The following CLIP1 variants were observed in gnomAD, a reference collection of about 807,000 sequenced individuals.
CLIP1 encodes CAP-Gly domain containing linker protein 1.
A neutral mutation model predicts 161.6 loss-of-function variants in CLIP1; 66 were observed. The ratio of observed to expected loss-of-function variants is 0.41; its 90% CI spans 0.33 to 0.50. The LOEUF is 0.50. Ranked by LOEUF, CLIP1 falls within the 20% of genes least tolerant of loss-of-function variation. CLIP1 has a pLI of 0.27. For synonymous variants in CLIP1, 598 were observed against 626.2 expected (o/e 0.96, Z 0.67); for missense variants, 1,376 against 1,702.0 (o/e 0.81, Z 3.37).
intron 15 of CLIP1, among the ~76,000 whole-genome samples, chr12:122,328,738 C>T (rs909752320): frequency 6.6e-6 from 1 of 152,128 alleles, no homozygotes; most frequent in African/African-American, 2.4e-5. Context: ...CCTGCCAGCA[C>T]GCCTGGCTAC....
At chr12:122,421,192 T>C (rs1292793030) in intron 1 of CLIP1, among the ~76,000 whole-genome samples, 2 of 150,994 alleles carry the variant, frequency 1.3e-5, no homozygotes, top group African/African-American at 2.4e-5. Context: ...TTAAATGAAA[T>C]AAAACACATA....
intron 1 of CLIP1, chr12:122,400,612 C>G (rs1593250440): frequency 6.6e-6 from 1 of 152,206 alleles, no homozygotes; most frequent in East Asian, 1.9e-4. Flanking sequence ...CTGGACTACT[C>G]CAGCTACTGG....
intron 1 of CLIP1, among the ~76,000 whole-genome samples, chr12:122,421,070 GTA>G (rs781019103): frequency 6.7e-6 from 1 of 149,178 alleles, no homozygotes; most frequent in Non-Finnish European, 1.5e-5. Flanking sequence ...CTGGTAAAAG[GTA>G]TTCTGACTTC....
At chr12:122,369,233 C>G (rs1269387390) in intron 3 of CLIP1, among the ~76,000 whole-genome samples, 1 of 151,994 alleles carries the variant, frequency 6.6e-6, no homozygotes, top group Non-Finnish European at 1.5e-5. Flanking sequence ...GTTGGCCAGG[C>G]TAGTCTCCAA....
At position 122,355,418 on chromosome 12, in the gene CLIP1, C is replaced by T. The variant is rs1298951160; in HGVS notation, c.1006-106G>A. The T allele has an allele frequency of 7.2e-6, 7 of 969,402 alleles. No individual in the cohort carries two copies. The highest frequency in any genetic ancestry group is 5.1e-5 in the East Asian group (2 of 39,488). 60.1% of individuals were successfully genotyped at this position (969,402 alleles called of 1,614,324 possible). The stretch of plus-strand genomic sequence containing the variant: ...TCTGCTCGGCAAAGCAAGGGCGCTG[C>T]TCCAGCTGGCAGGCTGGCCAGGATT... On this transcript the variant is annotated intron_variant, in intron 5 of 25. Transcript: ENST00000620786. This position sits in a 1 kb window ranked among gnomAD's most constrained non-coding sequence, Gnocchi z 4.1.
At position 122,341,504 on chromosome 12, in the gene CLIP1, T is replaced by C. The variant is rs1459893672; in HGVS notation, c.1700A>G (p.Gln567Arg). ...CTCCTTCAGAGAAGTTATTTCTCTC[T>C]GGTGGTCAGTACGGGTGACTTCTAA... ...EKLEVTRTDH[Q>R]REITSLKEHF... Residue 567 changes from glutamine (Q) to arginine (R), a missense_variant, in exon 11 of 26, where the codon CAG (glutamine) becomes CGG (arginine). By Grantham distance (43) the Gln-to-Arg change is conservative. This residue lies in a region of CLIP1 where 948 missense variants were observed against 1,134.8 expected (regional missense o/e 0.84). Transcript: ENST00000620786. The C allele has an allele frequency of 6.2e-7, 1 of 1,613,978 alleles. No individual in the cohort carries two copies. Among genetic ancestry groups the C allele is most frequent in the Non-Finnish European group, 8.5e-7 (1 of 1,179,982 alleles).
intron 1 of CLIP1, among the ~76,000 whole-genome samples, chr12:122,405,668 A>T (rs1956304611): frequency 6.6e-6 from 1 of 151,294 alleles, no homozygotes; most frequent in African/African-American, 2.4e-5. Flanking sequence ...CACACCTATA[A>T]TCCCAGCTAC....
intron 1 of CLIP1, among the ~76,000 whole-genome samples, chr12:122,382,841 C>T (rs1955067600): frequency 6.6e-6 from 1 of 152,146 alleles, no homozygotes; most frequent in Non-Finnish European, 1.5e-5. Flanking sequence ...CTCCTCACCG[C>T]CATTACCACC....
At chr12:122,362,559 T>C (rs1953904092) in intron 4 of CLIP1, among the ~76,000 whole-genome samples, 1 of 141,520 alleles carries the variant, frequency 7.1e-6, no homozygotes, top group African/African-American at 2.7e-5. Flanking sequence ...GAGAATCGCT[T>C]GAACCTGAGA....
chr12:122,390,295 T>C (rs1210818036), intron 1 of CLIP1, among the ~76,000 whole-genome samples: 1 of 132,550 alleles, frequency 7.5e-6, no homozygotes, highest in South Asian at 2.4e-4. Context: ...TATATATATA[T>C]ATATATATGT....
At chr12:122,367,877 G>A (rs1954245182) in intron 3 of CLIP1, among the ~76,000 whole-genome samples, 1 of 152,066 alleles carries the variant, frequency 6.6e-6, no homozygotes, top group Non-Finnish European at 1.5e-5. Context: ...AATTAGCCAG[G>A]CATGGTGGCA....
At chr12:122,293,548 G>A (rs769192030) in intron 20 of CLIP1, among the ~76,000 whole-genome samples, 26 of 151,494 alleles carry the variant, frequency 1.7e-4, no homozygotes, top group Middle Eastern at 3.4e-3. Flanking sequence ...GCGCAATCTC[G>A]GCTCACTGCA....
In CLIP1 at chr12:122,361,196, A is replaced by G. The variant is rs775358538; in HGVS notation, c.783-15T>C. The G allele has an allele frequency of 5.1e-6, 8 of 1,579,234 alleles. No individual in the cohort carries two copies. In the Admixed American group the frequency reaches 5.3e-5, roughly 10 times the overall value. ...ACTGAAAATACCTTTAGAGAACAAT[A>G]AGAACAATAACAAAAAACAACTTAA... On this transcript the variant is annotated splice_polypyrimidine_tract_variant and intron_variant, in intron 4 of 25. Coordinates refer to ENST00000620786, the MANE Select transcript of CLIP1 (RefSeq NM_001247997.2).
intron 5 of CLIP1, among the ~76,000 whole-genome samples, chr12:122,358,024 A>AAATC (rs1953570498): frequency 6.6e-6 from 1 of 152,212 alleles, no homozygotes. Flanking sequence ...AAAGATTGAG[A>AAATC]AATCGAATGG....
chr12:122,359,299 G>A (rs1399202631), intron 5 of CLIP1, among the ~76,000 whole-genome samples: 1 of 152,152 alleles, frequency 6.6e-6, no homozygotes, highest in Non-Finnish European at 1.5e-5. Flanking sequence ...CACTGAATGA[G>A]GTGAGCTAAG....
intron 1 of CLIP1, among the ~76,000 whole-genome samples, chr12:122,397,179 T>C (rs1004686869): frequency 1.3e-5 from 2 of 152,014 alleles, no homozygotes; most frequent in Non-Finnish European, 2.9e-5. Flanking sequence ...GTGTGAGGCA[T>C]GTGCCACTCT....
intron 3 of CLIP1, among the ~76,000 whole-genome samples, chr12:122,365,962 T>G (rs1049876148): frequency 1.3e-5 from 2 of 151,880 alleles, no homozygotes; most frequent in Non-Finnish European, 2.9e-5. Flanking sequence ...TGAGCCACAG[T>G]TGTACCACTG....
intron 1 of CLIP1, among the ~76,000 whole-genome samples, chr12:122,392,061 A>C (rs1376786749): frequency 6.6e-6 from 1 of 152,174 alleles, no homozygotes; most frequent in African/African-American, 2.4e-5. Flanking sequence ...GCTTAAGTCC[A>C]GGAGTTTGAG....
At chr12:122,328,190 G>A in intron 16 of CLIP1, 28 bp from the exon 17 acceptor site, 1 of 1,613,548 alleles carries the variant, frequency 6.2e-7, no homozygotes, top group Non-Finnish European at 8.5e-7. Flanking sequence ...GAGGGAATGA[G>A]TCATCTGCCC....
Sources: gnomAD v4.1 joint callset for allele counts (sites outside exome capture counted in the v4.1 genomes callset) on GRCh38, gnomAD v4.1.1 for gene constraint, gnomAD v4.1.1 regional missense constraint, Gnocchi (gnomAD v3.1) non-coding constraint, MANE v1.5 for transcripts, NCBI Gene and HGNC (gene_info 2026-07-23, HGNC 2026-07-21) for gene names.